Variants in KPNA7 observed in about 807,000 individuals in gnomAD.
KPNA7 encodes the protein importin subunit alpha-8.
Under a neutral mutation model 53.7 loss-of-function variants are expected in KPNA7, and 54 were observed. The ratio of observed to expected loss-of-function variants is 1.01; its 90% CI spans 0.81 to 1.26. The LOEUF is 1.26. Ranked by LOEUF, KPNA7 falls within the 50% of genes most tolerant of loss-of-function variation. KPNA7 has a pLI of 0.00. For missense variants in KPNA7, 640 were observed against 644.5 expected, an observed-to-expected ratio of 0.99 and a Z score of 0.07; for synonymous variants, 276 against 259.3, an observed-to-expected ratio of 1.06 and a Z score of -0.62.
rs375891322 is a variant in KPNA7 at position 99,178,064 on chromosome 7, C to T, written c.1320G>A (p.Ala440=). ...ILDVISCILQ[A]AEKRSEKENL... is the part of the protein sequence containing the mutation. ...TTTCCTTCTCAGACCGTTTCTCTGC[C>T]GCCTGTGACCAAGTACAAGGGGACA... The change falls in exon 10 of 11, where the codon GCG becomes GCA. Residue 440 remains alanine (A), a splice_region_variant and synonymous_variant. Coordinates refer to ENST00000327442, the MANE Select transcript of KPNA7 (RefSeq NM_001145715.3). 119 of 1,551,224 alleles carry T rather than the reference C, an allele frequency of 7.7e-5. No individual in the cohort carries two copies. In the East Asian group the frequency reaches 8.1e-4, roughly 11 times the overall value.
intron 7 of KPNA7, among the ~76,000 whole-genome samples, chr7:99,187,631 G>A (rs1366337878): frequency 6.9e-6 from 1 of 144,302 alleles, no homozygotes; most frequent in Non-Finnish European, 1.5e-5. Context: ...TCAGCTCACT[G>A]CAACCTCCAC....
chr7:99,185,211 G>T lies in KPNA7; in HGVS notation c.901-49C>A, dbSNP rs760700243. The T allele has an allele frequency of 2.9e-5, 38 of 1,323,738 alleles. 1 individual carries two copies. The South Asian group carries it at 4.7e-4, about 16-fold the overall frequency. The allele number at this position is 1,323,738 out of a possible 1,614,324, so 82.0% of individuals were successfully genotyped here. A position where few individuals can be genotyped will look rare whatever the true frequency, so the allele number is the denominator to read the frequency against. The stretch of plus-strand genomic sequence containing the variant: ...TAAGTATTTCAAGTCTATCCCAGGA[G>T]AAGGCAACAATCACACCAAGTTCTG... On this transcript the variant is annotated intron_variant, in intron 7 of 10. Transcript: ENST00000327442.
the KPNA7 span, among the ~76,000 whole-genome samples, chr7:99,152,711 C>T: frequency 6.6e-6 from 1 of 152,316 alleles, no homozygotes; most frequent in South Asian, 2.1e-4. Flanking sequence ...TCTGTCTCTA[C>T]AAGCCGCATG....
At chr7:99,178,771 C>CAAAAAAAAAAAAAA (rs756807848) in intron 9 of KPNA7, among the ~76,000 whole-genome samples, 1 of 27,678 alleles carries the variant, frequency 3.6e-5, no homozygotes, top group Non-Finnish European at 6.4e-5. Context: ...ATCTTTGTCT[C>CAAAAAAAAAAAAAA]AAAAAAAAAA....
chr7:99,177,769 G>T, intron 10 of KPNA7, 151 bp downstream of exon 10: 1 of 698,394 alleles, frequency 1.4e-6, no homozygotes, highest in Non-Finnish European at 2.3e-6. Flanking sequence ...GGATAGGCGA[G>T]ACACATTAAC....
chr7:99,173,560 G>A, downstream of KPNA7: 1 of 575,890 alleles, frequency 1.7e-6, no homozygotes, highest in Non-Finnish European at 3.1e-6. Flanking sequence ...CTGAAGTTCA[G>A]ATAGAGAAAC....
chr7:99,198,575 A>T (rs544478373), intron 3 of KPNA7, among the ~76,000 whole-genome samples: 2 of 152,122 alleles, frequency 1.3e-5, no homozygotes, highest in African/African-American at 4.8e-5. Context: ...GAAATTCAAC[A>T]TACTTCCATA....
At chr7:99,169,084 A>G (rs1798724538), downstream of KPNA7, among the ~76,000 whole-genome samples, 1 of 152,108 alleles carries the variant, frequency 6.6e-6, no homozygotes, top group Non-Finnish European at 1.5e-5. Context: ...GCTACCCGGG[A>G]GGCGGCGGTT....
chr7:99,199,516 T>C (rs1027120480), intron 3 of KPNA7, among the ~76,000 whole-genome samples: 4 of 152,166 alleles, frequency 2.6e-5, no homozygotes, highest in African/African-American at 9.7e-5. Flanking sequence ...CTCAAATAAC[T>C]GTGCTGGTAC....
At chr7:99,162,697 C>A in the KPNA7 span, among the ~76,000 whole-genome samples, 1 of 152,148 alleles carries the variant, frequency 6.6e-6, no homozygotes, top group Non-Finnish European at 1.5e-5. Context: ...AAGGTTAGAT[C>A]ACTCGGACAA....
chr7:99,188,191 A>G (rs1208121578), intron 7 of KPNA7, 109 bp downstream of exon 7: 1 of 1,020,328 alleles, frequency 9.8e-7, no homozygotes, highest in Admixed American at 3.1e-5. Context: ...AAAAAAAAAA[A>G]AAAAAAAGCA....
intron 2 of KPNA7, among the ~76,000 whole-genome samples, chr7:99,207,075 C>T (rs1375068414): frequency 6.6e-6 from 1 of 152,062 alleles, no homozygotes; most frequent in African/African-American, 2.4e-5. Context: ...TCTCTTGTCG[C>T]CCAGGCTGGA....
At chr7:99,176,763 C>T (rs964298860) in intron 10 of KPNA7, among the ~76,000 whole-genome samples, 6 of 152,106 alleles carry the variant, frequency 3.9e-5, no homozygotes, top group Admixed American at 2.6e-4. Context: ...CCTGTAGTCC[C>T]AGCTACTTGG....
downstream of KPNA7, among the ~76,000 whole-genome samples, chr7:99,168,603 T>C (rs1274646558): frequency 2.6e-5 from 4 of 152,052 alleles, no homozygotes; most frequent in African/African-American, 9.7e-5. Context: ...CTCAACCTCC[T>C]GGGCTCAAGT....
At chr7:99,201,302 C>A (rs1790522141) in intron 3 of KPNA7, among the ~76,000 whole-genome samples, 1 of 152,046 alleles carries the variant, frequency 6.6e-6, no homozygotes, top group Non-Finnish European at 1.5e-5. Flanking sequence ...TGTGACTATG[C>A]TAGAAACCAC....
At chr7:99,166,081 T>C in the KPNA7 span, among the ~76,000 whole-genome samples, 1 of 152,134 alleles carries the variant, frequency 6.6e-6, no homozygotes, top group Non-Finnish European at 1.5e-5. Context: ...TCTGCCATGA[T>C]TGAAAATTTC....
chr7:99,171,834 G>A (rs979224328), downstream of KPNA7, among the ~76,000 whole-genome samples: 3 of 152,134 alleles, frequency 2.0e-5, no homozygotes, highest in African/African-American at 7.2e-5. Flanking sequence ...AGTGAGTGGA[G>A]CCCCCACAAT....
chr7:99,161,222 ACTCTCTCTCTCTCTCTCTCTCTCT>A, the KPNA7 span, among the ~76,000 whole-genome samples: 1,979 of 147,798 alleles, frequency 0.013, 30 homozygotes, highest in African/African-American at 0.025. Context: ...ATGTACACAA[ACTCTCTCTCTCTCTCTCTCTCTCT>A]CTCTCTCTCT....
At chr7:99,202,347 C>T (rs576925381) in intron 3 of KPNA7, among the ~76,000 whole-genome samples, 3 of 152,186 alleles carry the variant, frequency 2.0e-5, no homozygotes, top group African/African-American at 7.2e-5. Context: ...TTCACAGAAA[C>T]CGGACTAACC....
Sources: gnomAD v4.1 joint callset for allele counts (sites outside exome capture counted in the v4.1 genomes callset) on GRCh38, gnomAD v4.1.1 for gene constraint, MANE v1.5 for transcripts, NCBI Gene and HGNC (gene_info 2026-07-23, HGNC 2026-07-21) for gene names.